Variants in CORIN observed in about 807,000 individuals in gnomAD.
The protein encoded by CORIN is corin, serine peptidase.
In CORIN, 117 loss-of-function variants were observed where a neutral mutation model predicts 125.3. The observed-to-expected ratio is 0.93, with a 90% CI of 0.80 to 1.09. The LOEUF is 1.09. Ranked by LOEUF, CORIN falls within the 50% of genes least tolerant of loss-of-function variation. CORIN has a pLI of 0.00. For synonymous variants in CORIN, 450 were observed against 466.4 expected (o/e 0.96, Z 0.45); for missense variants, 1,253 against 1,306.7 (o/e 0.96, Z 0.63).
At chr4:47,730,817 C>T (rs1727843885) in intron 5 of CORIN, among the ~76,000 whole-genome samples, 2 of 152,308 alleles carry the variant, frequency 1.3e-5, no homozygotes, top group South Asian at 4.1e-4. Context: ...AGAGGGAAAG[C>T]CTTAGGAAAC....
At chr4:47,769,573 T>A (rs910937678) in intron 3 of CORIN, among the ~76,000 whole-genome samples, 3 of 151,574 alleles carry the variant, frequency 2.0e-5, no homozygotes, top group Admixed American at 2.0e-4. Flanking sequence ...CAAAAAAAAA[T>A]TGAGCGAAAA....
chr4:47,713,192 G>C (rs981988202), intron 5 of CORIN, among the ~76,000 whole-genome samples: 4 of 152,188 alleles, frequency 2.6e-5, no homozygotes, highest in Non-Finnish European at 5.9e-5. Context: ...TCTGCCAAGA[G>C]ATGAAGCCAA....
chr4:47,687,699 C>T (rs924764919), intron 6 of CORIN, among the ~76,000 whole-genome samples: 7 of 152,146 alleles, frequency 4.6e-5, no homozygotes, highest in Non-Finnish European at 1.0e-4. Context: ...GATGCAAGTA[C>T]GGATGCTCAG....
chr4:47,618,169 T>C (rs1722142074), intron 19 of CORIN, among the ~76,000 whole-genome samples: 1 of 151,706 alleles, frequency 6.6e-6, no homozygotes, highest in Admixed American at 6.6e-5. Flanking sequence ...ATCCCGTCTC[T>C]ACTAAAAATA....
At chr4:47,651,670 G>A (rs560706892) in intron 13 of CORIN, among the ~76,000 whole-genome samples, 1 of 152,136 alleles carries the variant, frequency 6.6e-6, no homozygotes, top group Admixed American at 6.6e-5. Context: ...CTTAACTAGA[G>A]CTCTCAATAG....
At chr4:47,785,044 G>T (rs566281892) in intron 3 of CORIN, among the ~76,000 whole-genome samples, 1 of 152,086 alleles carries the variant, frequency 6.6e-6, no homozygotes, top group Non-Finnish European at 1.5e-5. Context: ...AAATAAATAC[G>T]CCATCTCAGA....
At chr4:47,688,692 A>T (rs1725634942) in intron 6 of CORIN, among the ~76,000 whole-genome samples, 1 of 152,258 alleles carries the variant, frequency 6.6e-6, no homozygotes, top group South Asian at 2.1e-4. Flanking sequence ...GAAAGAAACC[A>T]TGGCTTAACA....
At chr4:47,712,757 C>T (rs1482094228) in intron 5 of CORIN, among the ~76,000 whole-genome samples, 1 of 151,984 alleles carries the variant, frequency 6.6e-6, no homozygotes, top group Non-Finnish European at 1.5e-5. Context: ...AAAATATTAC[C>T]TCAAAAATAC....
chr4:47,736,376 TA>T (rs1318403077), intron 5 of CORIN, among the ~76,000 whole-genome samples: 1 of 152,150 alleles, frequency 6.6e-6, no homozygotes, highest in East Asian at 1.9e-4. Flanking sequence ...AAAAGCCAGA[TA>T]AAACACAAGA....
In CORIN at chr4:47,706,464, C is replaced by T. The variant is rs763237490; in HGVS notation, c.800-13381G>A. 1,351 of 1,611,224 alleles carry T rather than the reference C, an allele frequency of 8.4e-4. 1 individual carries two copies. Among genetic ancestry groups the T allele is most frequent in the Non-Finnish European group, 1.1e-3 (1,283 of 1,177,782 alleles). Reference sequence around the variant, plus strand: ...TGAGGGTCCGCTGCTGGCAGTACCGCCAGCTCTCTGCTCTTCACAGGGCTC... The same window carrying T: ...TGAGGGTCCGCTGCTGGCAGTACCGTCAGCTCTCTGCTCTTCACAGGGCTC... On this transcript the variant is annotated intron_variant, in intron 5 of 21. Coordinates refer to ENST00000273857, the MANE Select transcript of CORIN (RefSeq NM_006587.4).
intron 5 of CORIN, among the ~76,000 whole-genome samples, chr4:47,697,490 G>T (rs1418232196): frequency 5.3e-5 from 8 of 152,154 alleles, no homozygotes; most frequent in African/African-American, 1.9e-4. Context: ...GAGGCGGGCA[G>T]ATCGCCTGAG....
rs1263046944 is a variant in CORIN, at chr4:47,816,550, C to G, written c.64-9503G>C. 2.0e-5 allele frequency among the ~76,000 whole-genome samples: 3 copies of G among 152,180 alleles called. 1 individual carries two copies. The highest frequency in any genetic ancestry group is 4.4e-5 in the Non-Finnish European group (3 of 68,034). ...AGATATACAGCTTCACAGGTGACTT[C>G]AATACCCTATGACTAGGGTAATGCA... On this transcript the variant is annotated intron_variant, in intron 1 of 21. Transcript: ENST00000273857.
chr4:47,625,531 T>C (rs1222656595), intron 17 of CORIN, among the ~76,000 whole-genome samples: 1 of 152,192 alleles, frequency 6.6e-6, no homozygotes, highest in Non-Finnish European at 1.5e-5. Context: ...TTAGAGGAAG[T>C]ACTTCAATTG....
intron 6 of CORIN, among the ~76,000 whole-genome samples, chr4:47,687,945 T>C (rs1725591208): frequency 6.6e-6 from 1 of 152,096 alleles, no homozygotes; most frequent in Non-Finnish European, 1.5e-5. Flanking sequence ...GACTGGGTAA[T>C]TCTTTGTTGT....
At chr4:47,687,867 G>A (rs1315482290) in intron 6 of CORIN, among the ~76,000 whole-genome samples, 1 of 152,178 alleles carries the variant, frequency 6.6e-6, no homozygotes, top group Admixed American at 6.5e-5. Flanking sequence ...GACTCTCTGA[G>A]TTCTTTCTAC....
chr4:47,760,749 T>A (rs1162298536), intron 4 of CORIN, among the ~76,000 whole-genome samples: 1 of 152,246 alleles, frequency 6.6e-6, no homozygotes, highest in African/African-American at 2.4e-5. Flanking sequence ...AGATGGCATC[T>A]TCTTCCAGTA....
rs1242729358 is a variant in CORIN, at chr4:47,594,723, T to C, written c.*998A>G. Reference sequence around the variant, plus strand: ...GAGGGATGCAAATTAATTTTCTTTTTAAAAAATTGCATCTCTCATCTAAAT... The same window carrying C: ...GAGGGATGCAAATTAATTTTCTTTTCAAAAAATTGCATCTCTCATCTAAAT... On this transcript the variant is annotated 3_prime_UTR_variant, in exon 22 of 22. Transcript: ENST00000273857. 2 of 152,164 alleles carry C rather than the reference T, an allele frequency of 1.3e-5. No homozygotes were observed. Among genetic ancestry groups the C allele is most frequent in the Non-Finnish European group, 2.9e-5 (2 of 68,016 alleles). The allele number at this position is 152,164 out of a possible 1,614,324, so 9.4% of individuals were successfully genotyped here. A position where few individuals can be genotyped will look rare whatever the true frequency, so the allele number is the denominator to read the frequency against.
At chr4:47,614,219 T>A (rs1407134461) in intron 19 of CORIN, among the ~76,000 whole-genome samples, 1 of 152,054 alleles carries the variant, frequency 6.6e-6, no homozygotes, top group Non-Finnish European at 1.5e-5. Context: ...TGAGACAGAG[T>A]TTCGCTCTTG....
chr4:47,697,198 G>C (rs1726057069), intron 5 of CORIN, among the ~76,000 whole-genome samples: 1 of 152,162 alleles, frequency 6.6e-6, no homozygotes, highest in Admixed American at 6.5e-5. Context: ...TTCTTGGGGA[G>C]AGCACTGTAT....
Sources: allele counts gnomAD v4.1 joint callset (sites outside exome capture counted in the v4.1 genomes callset), GRCh38; gene constraint gnomAD v4.1.1; transcripts MANE v1.5; gene names NCBI Gene and HGNC (gene_info 2026-07-23, HGNC 2026-07-21).